The following FAM83F variants were observed in gnomAD, a reference collection of about 807,000 sequenced individuals.
FAM83F encodes the protein protein FAM83F.
A neutral mutation model predicts 42.9 loss-of-function variants in FAM83F; 45 were observed. The ratio of observed to expected loss-of-function variants is 1.05; its 90% CI spans 0.83 to 1.35. FAM83F has a LOEUF of 1.35. FAM83F is among the 40% of genes most tolerant of loss of function. The pLI, the probability that FAM83F is intolerant of heterozygous loss-of-function variation, is 0.00. For missense variants in FAM83F, 617 were observed against 695.9 expected (o/e 0.89, Z 1.28); for synonymous variants, 306 against 298.3 (o/e 1.03, Z -0.27).
rs1348236171 is a variant in FAM83F at position 40,021,397 on chromosome 22, AG to A, written c.889del (p.Glu297ArgfsTer8). 4 of 1,613,616 alleles carry A rather than the reference AG, an allele frequency of 2.5e-6. No homozygotes were observed. Among genetic ancestry groups the A allele is most frequent in the Non-Finnish European group, 3.4e-6 (4 of 1,179,652 alleles). On this transcript the variant is annotated frameshift_variant, in exon 4 of 5. Coordinates refer to ENST00000333407, the MANE Select transcript of FAM83F (RefSeq NM_138435.4). LOFTEE classifies it high-confidence loss of function. The surrounding 1 kb of genome is among the most constrained non-coding windows in gnomAD (Gnocchi z 8.7). ...TEFRELYAIS[E>X]EVDLYRQLSL... is the part of the protein sequence containing the mutation. ...TTCCGGGAGCTGTACGCCATCTCCGAGGAGGTGGACTTGTACCGGCAGCTGA... is the reference window on the plus strand; with the variant it reads ...TTCCGGGAGCTGTACGCCATCTCCGAGAGGTGGACTTGTACCGGCAGCTGA...
At chr22:40,022,571 G>T (rs2067528997) in intron 4 of FAM83F, among the ~76,000 whole-genome samples, 2 of 152,094 alleles carry the variant, frequency 1.3e-5, no homozygotes, top group South Asian at 4.1e-4. Flanking sequence ...AGTGCTGTCT[G>T]CCCAGCTGCT....
rs2067632189 is a variant in FAM83F, at chr22:40,037,557, C to T, written c.*7992C>T. 6.6e-6 allele frequency: 1 copy of T among 152,232 alleles called. No homozygotes were observed. Among genetic ancestry groups the T allele is most frequent in the Non-Finnish European group, 1.5e-5 (1 of 68,070 alleles). 9.4% of individuals were successfully genotyped at this position (152,232 alleles called of 1,614,324 possible). A position where few individuals can be genotyped will look rare whatever the true frequency, so the allele number is the denominator to read the frequency against. On this transcript the variant is annotated 3_prime_UTR_variant, in exon 5 of 5. Coordinates refer to ENST00000333407, the MANE Select transcript of FAM83F (RefSeq NM_138435.4). Reference sequence around the variant, plus strand: ...CTCTCATGTTTACCTTGTCATTGTTCTGTCAAGAGGAATTCACTAGTCTCA... The same window carrying T: ...CTCTCATGTTTACCTTGTCATTGTTTTGTCAAGAGGAATTCACTAGTCTCA...
Position 40,021,879 on chromosome 22 carries a change from G to C in FAM83F, c.1369G>C (p.Ala457Pro). The C allele has an allele frequency of 6.2e-7, 1 of 1,609,588 alleles. No homozygotes were observed. The highest frequency in any genetic ancestry group is 1.3e-5 in the African/African-American group (1 of 74,840). The change falls in exon 4 of 5, where the codon GCC becomes CCC. Residue 457 changes from alanine to proline, a missense_variant. Ala to Pro is a conservative substitution (Grantham distance 27, BLOSUM62 -1). Transcript: ENST00000333407. The surrounding 1 kb of genome is among the most constrained non-coding windows in gnomAD (Gnocchi z 8.7). ...AKRPAAPNGM[A>P]SSVSTETSEV... is the part of the protein sequence containing the mutation. The stretch of plus-strand genomic sequence containing the variant: ...GAGGCCTGCGGCGCCCAATGGCATG[G>C]CCAGCTCTGTCTCCACCGAGACCTC...
chr22:40,007,525 C>G (rs1601764679), intron 1 of FAM83F, among the ~76,000 whole-genome samples: 1 of 36,234 alleles, frequency 2.8e-5, no homozygotes, highest in Admixed American at 2.4e-4. Context: ...CTCCTCCTCT[C>G]CTCTCCTCCT....
Position 40,019,915 on chromosome 22 carries a change from T to A in FAM83F, c.686T>A (p.Val229Asp), listed in dbSNP as rs778424088. 8 of 1,613,184 alleles carry A rather than the reference T, an allele frequency of 5.0e-6. No homozygotes were observed. The Admixed American group carries it at 6.7e-5, about 13-fold the overall frequency. Residue 229 changes from valine (V) to aspartate (D), a missense_variant, in exon 3 of 5, where the codon GTC (valine) becomes GAC (aspartate). Coordinates refer to ENST00000333407, the MANE Select transcript of FAM83F (RefSeq NM_138435.4). ...RNIRVRSVTG[V>D]GFYMPMGRIK... ...ATCCGTGTCCGCTCTGTGACAGGCGTCGGCTTCTACATGCCCATGGGGAGG... is the reference window on the plus strand; with the variant it reads ...ATCCGTGTCCGCTCTGTGACAGGCGACGGCTTCTACATGCCCATGGGGAGG...
intron 1 of FAM83F, among the ~76,000 whole-genome samples, chr22:40,010,711 T>C (rs2145714448): frequency 6.6e-6 from 1 of 152,336 alleles, no homozygotes; most frequent in South Asian, 2.1e-4. Flanking sequence ...ACTGGACACC[T>C]TGGAGTGTTC....
At position 40,021,909 on chromosome 22, in the gene FAM83F, G is replaced by T. The variant is rs370605308; in HGVS notation, c.1399G>T (p.Val467Leu). 4.0e-5 allele frequency: 63 copies of T among 1,588,766 alleles called. No homozygotes were observed. Among genetic ancestry groups the T allele is most frequent in the Non-Finnish European group, 5.4e-5 (63 of 1,166,668 alleles). ...ASSVSTETSE[V>L]EFLTGKRPNE... is the part of the protein sequence containing the mutation. The stretch of plus-strand genomic sequence containing the variant: ...CTCTGTCTCCACCGAGACCTCTGAA[G>T]TGGAGTTTCTGACGGGGAAGAGGCC... Residue 467 changes from valine (V) to leucine (L), a missense_variant, in exon 4 of 5, where the codon GTG becomes TTG. By Grantham distance (32) the Val-to-Leu change is conservative (BLOSUM62 1). Transcript: ENST00000333407. This position sits in a 1 kb window ranked among gnomAD's most constrained non-coding sequence, Gnocchi z 8.7.
At position 40,032,044 on chromosome 22, in the gene FAM83F, C is replaced by T. The variant is rs1176067539; in HGVS notation, c.*2479C>T. 2 of 152,304 alleles carry T rather than the reference C, an allele frequency of 1.3e-5. No individual in the cohort carries two copies. The highest frequency in any genetic ancestry group is 4.8e-5 in the African/African-American group (2 of 41,416). The allele number at this position is 152,304 out of a possible 1,614,324, so 9.4% of individuals were successfully genotyped here. A position where few individuals can be genotyped will look rare whatever the true frequency, so the allele number is the denominator to read the frequency against. On this transcript the variant is annotated 3_prime_UTR_variant, in exon 5 of 5. Coordinates refer to ENST00000333407, the MANE Select transcript of FAM83F (RefSeq NM_138435.4). ...GGCCCTCCCAGTTGGATGGCAAGTTCAAGGGTGGATCATGCCCTTGGTCCC... is the reference window on the plus strand; with the variant it reads ...GGCCCTCCCAGTTGGATGGCAAGTTTAAGGGTGGATCATGCCCTTGGTCCC...
At chr22:40,008,712 A>C (rs2067448581) in intron 1 of FAM83F, among the ~76,000 whole-genome samples, 1 of 152,170 alleles carries the variant, frequency 6.6e-6, no homozygotes, top group Non-Finnish European at 1.5e-5. Flanking sequence ...GGGGCCCTAG[A>C]ATCTGCATCT....
At chr22:40,001,029 C>A (rs78391250) in intron 1 of FAM83F, among the ~76,000 whole-genome samples, 105 of 152,338 alleles carry the variant, frequency 6.9e-4, no homozygotes, top group Middle Eastern at 3.4e-3. Context: ...ACAGCTGCAG[C>A]TCCAGAGAAT....
At position 40,019,284 on chromosome 22, in the gene FAM83F, G is replaced by A; in HGVS notation, c.606G>A (p.Lys202=). ...TCATCCTGGACGAGGCAGGAGTGAA[G>A]TATTTCCTGGAGATGTGTCAGGACC... The part of the protein sequence containing the change: ...VYIILDEAGV[K]YFLEMCQDLQ... The change falls in exon 2 of 5, where the codon AAG becomes AAA. Residue 202 remains lysine (K), a synonymous_variant. Coordinates refer to ENST00000333407, the MANE Select transcript of FAM83F (RefSeq NM_138435.4). 6.2e-7 allele frequency: 1 copy of A among 1,614,174 alleles called. No individual in the cohort carries two copies.
rs2067632070 is a variant in FAM83F at position 40,037,532 on chromosome 22, C to G, written c.*7967C>G. On this transcript the variant is annotated 3_prime_UTR_variant, in exon 5 of 5. Transcript: ENST00000333407. ...CTCCGCTCCCAACACGGACTCTCAA[C>G]TCTCATGTTTACCTTGTCATTGTTC... is the stretch of plus-strand genomic sequence containing the variant. 6.6e-6 allele frequency: 1 copy of G among 152,290 alleles called. No homozygotes were observed. Among genetic ancestry groups the G allele is most frequent in the Non-Finnish European group, 1.5e-5 (1 of 68,098 alleles). The allele number at this position is 152,290 out of a possible 1,614,324, so 9.4% of individuals were successfully genotyped here.
intron 1 of FAM83F, among the ~76,000 whole-genome samples, chr22:40,007,782 G>A (rs1268044452): frequency 6.6e-6 from 1 of 151,984 alleles, no homozygotes; most frequent in Non-Finnish European, 1.5e-5. Flanking sequence ...GAGAAAGTTT[G>A]TTGTTTAGTG....
intron 3 of FAM83F, among the ~76,000 whole-genome samples, chr22:40,020,357 A>ATTTT (rs552816341): frequency 5.2e-5 from 6 of 116,380 alleles, no homozygotes; most frequent in Non-Finnish European, 7.1e-5. Context: ...TGTCGCCAGA[A>ATTTT]TTTTTTTTTT....
In FAM83F at chr22:40,029,673, G is replaced by GAA; in HGVS notation, c.*108_*109insAA. The GAA allele has an allele frequency of 6.7e-7, 1 of 1,483,576 alleles. No homozygotes were observed. Among genetic ancestry groups the GAA allele is most frequent in the Non-Finnish European group, 9.1e-7 (1 of 1,103,298 alleles). The allele number at this position is 1,483,576 out of a possible 1,614,324, so 91.9% of individuals were successfully genotyped here. A position where few individuals can be genotyped will look rare whatever the true frequency, so the allele number is the denominator to read the frequency against. On this transcript the variant is annotated 3_prime_UTR_variant, in exon 5 of 5. Transcript: ENST00000333407. The stretch of plus-strand genomic sequence containing the variant: ...CCAGTTTGCACATCAGACGCCAACT[G>GAA]GCCTTCTGCCCTGCAGCCTCCGTCC...
chr22:40,005,393 T>G (rs1488762860), intron 1 of FAM83F, among the ~76,000 whole-genome samples: 3 of 152,270 alleles, frequency 2.0e-5, no homozygotes, highest in Non-Finnish European at 4.4e-5. Flanking sequence ...TAGATAATTT[T>G]CACTAATTAA....
In FAM83F at chr22:40,040,252, T is replaced by G. The variant is rs1248585775; in HGVS notation, c.*10687T>G. 6.6e-6 allele frequency: 1 copy of G among 152,108 alleles called. No homozygotes were observed. The highest frequency in any genetic ancestry group is 1.9e-4 in the East Asian group (1 of 5,194). 9.4% of individuals were successfully genotyped at this position (152,108 alleles called of 1,614,324 possible). ...CAAGTCAGACATCCCAGAGGCAATA[T>G]AGCAGCGTGGACAAGAGCTTACTCG... On this transcript the variant is annotated 3_prime_UTR_variant, in exon 5 of 5. Transcript: ENST00000333407.
intron 4 of FAM83F, among the ~76,000 whole-genome samples, chr22:40,026,611 G>A (rs540834192): frequency 2.9e-4 from 44 of 152,194 alleles, no homozygotes; most frequent in South Asian, 2.1e-3. Context: ...TGTGGGGGCC[G>A]AGAGGAAGAT....
chr22:40,015,681 GC>G (rs1569233233), intron 1 of FAM83F, among the ~76,000 whole-genome samples: 9 of 152,110 alleles, frequency 5.9e-5, no homozygotes, highest in Non-Finnish European at 8.8e-5. Flanking sequence ...GGTGCCAAAG[GC>G]TTCCCGTCCT....
Sources: gnomAD v4.1 joint callset for allele counts (sites outside exome capture counted in the v4.1 genomes callset) on GRCh38, gnomAD v4.1.1 for gene constraint, Gnocchi (gnomAD v3.1) non-coding constraint, MANE v1.5 for transcripts, NCBI Gene and HGNC (gene_info 2026-07-23, HGNC 2026-07-21) for gene names.